Variants in APBB2 observed in about 807,000 individuals in gnomAD.
The protein encoded by APBB2 is amyloid beta precursor protein binding family B member 2, also known as Fe65-like 1.
A neutral mutation model predicts 82.5 loss-of-function variants in APBB2; 38 were observed. The ratio of observed to expected loss-of-function variants is 0.46; its 90% CI spans 0.36 to 0.60. The LOEUF (loss-of-function observed/expected upper bound fraction) is 0.60, where lower values mean the gene tolerates loss of function less well. Among genes scored for constraint, APBB2 ranks in the 20% least tolerant of loss-of-function variants. The pLI is 0.00. For synonymous variants in APBB2, 341 were observed against 368.2 expected, an observed-to-expected ratio of 0.93 and a Z score of 0.85; for missense variants, 772 against 972.3, an observed-to-expected ratio of 0.79 and a Z score of 2.74.
chr4:40,933,736 G>A (rs1784769735), intron 10 of APBB2, among the ~76,000 whole-genome samples: 3 of 152,204 alleles, frequency 2.0e-5, no homozygotes, highest in African/African-American at 7.2e-5. Context: ...ACGCTGGGAG[G>A]TGGCAGGACT....
intron 12 of APBB2, 198 bp downstream of exon 12, chr4:40,890,166 G>T: frequency 1.5e-6 from 1 of 648,310 alleles, no homozygotes; most frequent in Non-Finnish European, 2.4e-6. Flanking sequence ...AAAGATTTGA[G>T]ATACAGAAAC....
intron 4 of APBB2, among the ~76,000 whole-genome samples, chr4:41,049,468 G>GT (rs1725043049): frequency 6.7e-6 from 1 of 149,362 alleles, no homozygotes; most frequent in African/African-American, 2.5e-5. Context: ...GAGGTGGGGG[G>GT]CAGCCCCCGC....
chr4:41,173,641 G>A (rs897906710), intron 1 of APBB2, among the ~76,000 whole-genome samples: 41 of 152,258 alleles, frequency 2.7e-4, no homozygotes, highest in African/African-American at 7.2e-4. Flanking sequence ...ACTTTTCTAT[G>A]TTAAGATATG....
chr4:41,077,842 C>T (rs1356763039), intron 3 of APBB2, among the ~76,000 whole-genome samples: 1 of 152,136 alleles, frequency 6.6e-6, no homozygotes, highest in Non-Finnish European at 1.5e-5. Context: ...AACAGCTGTG[C>T]ATAGGCCTCA....
chr4:41,193,600 G>A, intron 1 of APBB2: 1 of 983,506 alleles, frequency 1.0e-6, no homozygotes, highest in African/African-American at 1.7e-5. Flanking sequence ...AGCTTAACAT[G>A]TTCCTTGCGG....
At chr4:40,850,407 T>C (rs1202562515) in intron 12 of APBB2, among the ~76,000 whole-genome samples, 1 of 152,246 alleles carries the variant, frequency 6.6e-6, no homozygotes, top group Admixed American at 6.5e-5. Context: ...CCTGACCTTC[T>C]GCAGGAATTC....
At chr4:41,143,733 T>C (rs1580377690) in intron 1 of APBB2, among the ~76,000 whole-genome samples, 1 of 152,226 alleles carries the variant, frequency 6.6e-6, no homozygotes, top group African/African-American at 2.4e-5. Flanking sequence ...AATGGTGTAA[T>C]AGAAAATTTT....
chr4:40,924,360 C>G lies in APBB2; in HGVS notation c.1254+10096G>C, dbSNP rs1782079779. On this transcript the variant is annotated intron_variant, in intron 10 of 17. Transcript: ENST00000508593. Reference sequence around the variant, plus strand: ...GACATGTTTGGCAGATTGTACCTCCCAAAGATGGCTGCATTAAAACCTCCC... The same window carrying G: ...GACATGTTTGGCAGATTGTACCTCCGAAAGATGGCTGCATTAAAACCTCCC... Among the ~76,000 whole-genome samples the G allele has an allele frequency of 2.0e-5, 3 of 152,112 alleles. No homozygotes were observed. In the South Asian group the frequency reaches 6.2e-4, roughly 32 times the overall value.
intron 1 of APBB2, among the ~76,000 whole-genome samples, chr4:41,199,631 T>C (rs543357989): frequency 6.6e-6 from 1 of 152,330 alleles, no homozygotes; most frequent in Admixed American, 6.5e-5. Flanking sequence ...TTTTAAAAGC[T>C]TGTGATTCTT....
At chr4:40,917,298 A>G (rs958707848) in intron 10 of APBB2, among the ~76,000 whole-genome samples, 14 of 152,040 alleles carry the variant, frequency 9.2e-5, no homozygotes, top group Non-Finnish European at 7.4e-5. Flanking sequence ...GAACTCCAAG[A>G]TTTCTTGTCT....
chr4:40,829,830 G>T (rs1055136972), intron 13 of APBB2, among the ~76,000 whole-genome samples: 22 of 152,128 alleles, frequency 1.4e-4, no homozygotes, highest in African/African-American at 4.6e-4. Context: ...CCACAGTCTT[G>T]CCTCCCAGCT....
At chr4:40,928,387 AACACACACAC>A (rs34694637) in intron 10 of APBB2, among the ~76,000 whole-genome samples, 46 of 112,864 alleles carry the variant, frequency 4.1e-4, no homozygotes, top group Middle Eastern at 9.4e-3. Context: ...TACTAAAGAA[AACACACACAC>A]ACACACACAC....
At chr4:40,970,459 C>T (rs183473710) in intron 6 of APBB2, among the ~76,000 whole-genome samples, 1 of 152,148 alleles carries the variant, frequency 6.6e-6, no homozygotes. Context: ...GCAACCTCTC[C>T]CCACTCCTCC....
intron 12 of APBB2, among the ~76,000 whole-genome samples, chr4:40,846,326 CAAAAAAAA>C (rs3086182): frequency 6.4e-5 from 4 of 62,510 alleles, no homozygotes; most frequent in African/African-American, 1.9e-4. Context: ...GAAAACACTC[CAAAAAAAA>C]AAAAAAAAAA....
At chr4:41,092,494 G>T (rs1338221022) in intron 3 of APBB2, among the ~76,000 whole-genome samples, 1 of 152,098 alleles carries the variant, frequency 6.6e-6, no homozygotes, top group Non-Finnish European at 1.5e-5. Flanking sequence ...TCTGAGACCA[G>T]CCTGGCCAAC....
rs1036873156 is a variant in APBB2 at position 41,123,839 on chromosome 4, A to C, written c.-261+19148T>G. Among the ~76,000 whole-genome samples, 27 of 151,708 alleles carry C rather than the reference A, an allele frequency of 1.8e-4. 1 individual carries two copies. The highest frequency in any genetic ancestry group is 5.8e-4 in the African/African-American group (24 of 41,052). Reference sequence around the variant, plus strand: ...CTGTCTCACAAAAAAAAACCAAAAAACAAAACAAAACAAAAAAAAACCACA... The same window carrying C: ...CTGTCTCACAAAAAAAAACCAAAAACCAAAACAAAACAAAAAAAAACCACA... On this transcript the variant is annotated intron_variant, in intron 2 of 17. Coordinates refer to ENST00000508593, the MANE Select transcript of APBB2 (RefSeq NM_004307.2).
chr4:40,823,809 C>T, intron 15 of APBB2, 50 bp from the exon 16 acceptor site: 2 of 1,243,476 alleles, frequency 1.6e-6, no homozygotes, highest in Non-Finnish European at 2.3e-6. Flanking sequence ...ACTTACCACA[C>T]TCAAATGTGG....
intron 1 of APBB2, among the ~76,000 whole-genome samples, chr4:41,149,576 A>G (rs1374472265): frequency 6.6e-6 from 1 of 152,304 alleles, no homozygotes; most frequent in East Asian, 1.9e-4. Context: ...CTAAAAGCCA[A>G]TGTTCAAAAT....
chr4:40,838,194 G>A (rs888041468), intron 12 of APBB2, among the ~76,000 whole-genome samples: 1 of 149,656 alleles, frequency 6.7e-6, no homozygotes, highest in Non-Finnish European at 1.5e-5. Flanking sequence ...ACAGATTCTC[G>A]CTCTGTCACC....
Sources: allele counts gnomAD v4.1 joint callset (sites outside exome capture counted in the v4.1 genomes callset), GRCh38; gene constraint gnomAD v4.1.1; transcripts MANE v1.5; gene names NCBI Gene and HGNC (gene_info 2026-07-23, HGNC 2026-07-21).